Variants in SHC3 observed in about 807,000 individuals in gnomAD.
SHC3 encodes the protein SHC-transforming protein 3.
Under a neutral mutation model 60.4 loss-of-function variants are expected in SHC3, and 15 were observed. That is an observed-to-expected ratio of 0.25 (90% CI 0.17 to 0.38). SHC3 has a LOEUF of 0.38. SHC3 is among the 10% of genes least tolerant of loss of function. The pLI is 1.00. For missense variants in SHC3, 677 were observed against 786.1 expected (o/e 0.86, Z 1.66); for synonymous variants, 294 against 325.9 (o/e 0.90, Z 1.05).
chr9:89,164,954 T>C (rs746236587), intron 1 of SHC3, among the ~76,000 whole-genome samples: 13 of 152,130 alleles, frequency 8.5e-5, no homozygotes, highest in Non-Finnish European at 1.3e-4. Context: ...ATACACACAG[T>C]GAAAAATATC....
intron 10 of SHC3, among the ~76,000 whole-genome samples, chr9:89,039,362 C>T (rs532081855): frequency 6.6e-6 from 1 of 152,308 alleles, no homozygotes; most frequent in African/African-American, 2.4e-5. Flanking sequence ...CTAAAATTAG[C>T]TCTTTTTGAT....
In SHC3 at chr9:89,081,574, C is replaced by G. The variant is rs571908211; in HGVS notation, c.546-3671G>C. ...TCTTCTGGCCACTGTGTGACCAGAA[C>G]CCTGAGTGAATGTGTGCTGGTACAA... On this transcript the variant is annotated intron_variant, in intron 2 of 11. Coordinates refer to ENST00000375835, the MANE Select transcript of SHC3 (RefSeq NM_016848.6). Among the ~76,000 whole-genome samples, 16 of 151,898 alleles carry G rather than the reference C, an allele frequency of 1.1e-4. No homozygotes were observed. In the South Asian group the frequency reaches 3.3e-3, roughly 32 times the overall value.
At chr9:89,014,393 C>T (rs1159484936) in intron 11 of SHC3, among the ~76,000 whole-genome samples, 6 of 152,098 alleles carry the variant, frequency 3.9e-5, no homozygotes, top group Non-Finnish European at 7.4e-5. Context: ...AGCAATTTTT[C>T]GAGGAGGTCT....
At chr9:89,168,837 G>T (rs1336806039) in intron 1 of SHC3, among the ~76,000 whole-genome samples, 5 of 152,166 alleles carry the variant, frequency 3.3e-5, no homozygotes, top group African/African-American at 9.7e-5. Context: ...TCAGTTGAGG[G>T]CCTGAATAAA....
At chr9:89,113,023 C>A (rs868323219) in intron 1 of SHC3, among the ~76,000 whole-genome samples, 1 of 151,948 alleles carries the variant, frequency 6.6e-6, no homozygotes, top group Non-Finnish European at 1.5e-5. Flanking sequence ...TAGTCTTTTA[C>A]GAGGCTTCTA....
At chr9:89,065,775 AT>A (rs1825169228) in intron 5 of SHC3, among the ~76,000 whole-genome samples, 195 bp from the exon 6 acceptor site, 1 of 152,132 alleles carries the variant, frequency 6.6e-6, no homozygotes, top group African/African-American at 2.4e-5. Context: ...GAGGTCTCAC[AT>A]TGCAGACTTT....
At chr9:89,148,549 C>T (rs924817399) in intron 1 of SHC3, among the ~76,000 whole-genome samples, 2 of 152,168 alleles carry the variant, frequency 1.3e-5, no homozygotes, top group East Asian at 3.9e-4. Context: ...GAAAAGGATA[C>T]AGGTAACTTT....
At chr9:89,085,284 A>G (rs890283823) in intron 2 of SHC3, among the ~76,000 whole-genome samples, 1 of 152,212 alleles carries the variant, frequency 6.6e-6, no homozygotes, top group Non-Finnish European at 1.5e-5. Context: ...GTCTTGACTG[A>G]ACCACGTAAA....
At chr9:89,124,304 G>A (rs546751681) in intron 1 of SHC3, among the ~76,000 whole-genome samples, 1 of 152,182 alleles carries the variant, frequency 6.6e-6, no homozygotes, top group Non-Finnish European at 1.5e-5. Context: ...TCTAGAACCA[G>A]AAATACCATT....
chr9:89,022,626 G>T (rs1826223045), intron 11 of SHC3, among the ~76,000 whole-genome samples: 1 of 152,268 alleles, frequency 6.6e-6, no homozygotes, highest in South Asian at 2.1e-4. Context: ...AGATGCTAAT[G>T]AGATGTGACT....
chr9:89,119,512 A>G (rs1357240279), intron 1 of SHC3, among the ~76,000 whole-genome samples: 1 of 152,154 alleles, frequency 6.6e-6, no homozygotes, highest in South Asian at 2.1e-4. Flanking sequence ...GGGGTTTAAT[A>G]TGGGGAAATA....
intron 1 of SHC3, among the ~76,000 whole-genome samples, chr9:89,175,179 AG>A (rs776420535): frequency 4.7e-4 from 71 of 152,352 alleles, no homozygotes; most frequent in Admixed American, 1.1e-3. Flanking sequence ...CGTCACCAAA[AG>A]AAAAAAGGAA....
At chr9:89,071,119 T>C in intron 5 of SHC3, 80 bp downstream of exon 5, 1 of 1,366,584 alleles carries the variant, frequency 7.3e-7, no homozygotes, top group Non-Finnish European at 1.0e-6. Flanking sequence ...TACAGTGTCT[T>C]GCAAGGCATA....
chr9:89,080,392 C>A (rs1000926873), intron 2 of SHC3, among the ~76,000 whole-genome samples: 4 of 152,172 alleles, frequency 2.6e-5, no homozygotes, highest in Non-Finnish European at 5.9e-5. Context: ...GCCAGCCCAA[C>A]CGCCAGATGT....
At chr9:89,027,815 G>A (rs1826346165) in intron 11 of SHC3, among the ~76,000 whole-genome samples, 1 of 152,208 alleles carries the variant, frequency 6.6e-6, no homozygotes, top group South Asian at 2.1e-4. Context: ...GAGTGAGGAG[G>A]AGGGCAGCCT....
chr9:89,099,989 G>A (rs1328420416), intron 2 of SHC3, among the ~76,000 whole-genome samples: 1 of 152,108 alleles, frequency 6.6e-6, no homozygotes, highest in Admixed American at 6.5e-5. Context: ...CATTTCCTAT[G>A]TTTCCCATCG....
rs1343505374 is a variant in SHC3 at position 89,060,095 on chromosome 9, G to GTGGTGGAGGATGTGGTGGAGGACAA, written c.835+5409_835+5433dup. Among the ~76,000 whole-genome samples the GTGGTGGAGGATGTGGTGGAGGACAA allele has an allele frequency of 1.2e-3, 184 of 150,374 alleles. 2 individuals are homozygous for GTGGTGGAGGATGTGGTGGAGGACAA. The highest frequency in any genetic ancestry group is 3.8e-3 in the African/African-American group (153 of 40,732). ...TAGCAGAGGATGATGGTGTTAGGAG[G>GTGGTGGAGGATGTGGTGGAGGACAA]TGGTGGAGGATGTGGTGGAGGACAA... On this transcript the variant is annotated intron_variant, in intron 6 of 11. Transcript: ENST00000375835.
chr9:89,096,616 T>A (rs1825705513), intron 2 of SHC3, among the ~76,000 whole-genome samples: 1 of 152,262 alleles, frequency 6.6e-6, no homozygotes, highest in African/African-American at 2.4e-5. Context: ...TTTCTAAAAT[T>A]TCTCTAGTGC....
intron 10 of SHC3, among the ~76,000 whole-genome samples, chr9:89,040,180 A>C (rs376839362): frequency 5.7e-3 from 27 of 4,774 alleles, no homozygotes; most frequent in Admixed American, 0.014. Context: ...ATCACTATCA[A>C]CACCACCACC....
Sources: allele counts gnomAD v4.1 joint callset (sites outside exome capture counted in the v4.1 genomes callset), GRCh38; gene constraint gnomAD v4.1.1; transcripts MANE v1.5; gene names NCBI Gene and HGNC (gene_info 2026-07-23, HGNC 2026-07-21).